ISLR2: variants seen among roughly 807,000 people sequenced by gnomAD.
The protein encoded by ISLR2 is immunoglobulin superfamily containing leucine-rich repeat protein 2.
In ISLR2, 16 loss-of-function variants were observed where a neutral mutation model predicts 25.5. That is an observed-to-expected ratio of 0.63 (90% CI 0.43 to 0.95). The LOEUF is 0.95. ISLR2 is among the 40% of genes least tolerant of loss of function. The probability of loss-of-function intolerance (pLI) is 0.00; values close to 1 mark genes in which losing one functional copy is unlikely to be tolerated. For synonymous variants in ISLR2, 508 were observed against 486.6 expected (o/e 1.04, Z -0.58); for missense variants, 883 against 1,030.7 (o/e 0.86, Z 1.96).
chr15:74,116,914 A>T (rs2072215589), intron 2 of ISLR2, among the ~76,000 whole-genome samples: 2 of 152,170 alleles, frequency 1.3e-5, no homozygotes, highest in African/African-American at 2.4e-5. Context: ...CAGGTCAGGG[A>T]GTAAAGTGAG....
rs758500429 is a variant in ISLR2, at chr15:74,134,951, G to T, written c.2197G>T (p.Ala733Ser). Residue 733 changes from alanine to serine, a missense_variant, in exon 3 of 3, where the codon GCC (alanine) becomes TCC (serine). Transcript: ENST00000453268. Reference sequence around the variant, plus strand: ...CCTGGGCGCCGAGGCGGTCAACATCGCCCAGGAGATTAATGGCAACTACAG... The same window carrying T: ...CCTGGGCGCCGAGGCGGTCAACATCTCCCAGGAGATTAATGGCAACTACAG... The part of the protein sequence containing the change: ...LPLGAEAVNI[A>S]QEINGNYRQT... 6.2e-7 allele frequency: 1 copy of T among 1,613,852 alleles called. No individual in the cohort carries two copies. The highest frequency in any genetic ancestry group is 1.1e-5 in the South Asian group (1 of 91,070).
At chr15:74,130,907 T>G (rs1479696999) in intron 1 of ISLR2, among the ~76,000 whole-genome samples, 1 of 151,412 alleles carries the variant, frequency 6.6e-6, no homozygotes, top group East Asian at 1.9e-4. Flanking sequence ...GTTATGGGGG[T>G]GCAGTAGGCT....
intron 2 of ISLR2, among the ~76,000 whole-genome samples, chr15:74,120,505 G>A (rs889757250): frequency 2.1e-5 from 3 of 142,434 alleles, no homozygotes; most frequent in African/African-American, 7.9e-5. Context: ...CTGGGCAATA[G>A]AGAGAGACTC....
At chr15:74,115,948 AG>A (rs2072207114) in intron 2 of ISLR2, among the ~76,000 whole-genome samples, 1 of 151,766 alleles carries the variant, frequency 6.6e-6, no homozygotes, top group African/African-American at 2.4e-5. Flanking sequence ...CAGTAATCCC[AG>A]CACTTTGGGA....
upstream of ISLR2, chr15:74,128,533 G>A (rs768570024): frequency 2.2e-6 from 1 of 456,612 alleles, no homozygotes; most frequent in South Asian, 1.5e-5. Context: ...CCGAAGTTTC[G>A]GGGTTGCTTA....
intron 2 of ISLR2, among the ~76,000 whole-genome samples, chr15:74,112,130 T>C (rs1261214152): frequency 6.6e-6 from 1 of 152,160 alleles, no homozygotes; most frequent in Non-Finnish European, 1.5e-5. Context: ...ATAAAAATAA[T>C]ATTGATTGTA....
At chr15:74,122,124 T>C (rs2072257817) in intron 2 of ISLR2, among the ~76,000 whole-genome samples, 1 of 152,218 alleles carries the variant, frequency 6.6e-6, no homozygotes, top group South Asian at 2.1e-4. Flanking sequence ...CCACCAGGCT[T>C]GGCACGTCCT....
chr15:74,134,139 G>C lies in ISLR2; in HGVS notation c.1385G>C (p.Gly462Ala), dbSNP rs755437441. The change falls in exon 3 of 3, where the codon GGG (glycine) becomes GCG (alanine). Residue 462 changes from glycine (G) to alanine (A), a missense_variant. Gly to Ala is a moderately conservative substitution (Grantham distance 60, BLOSUM62 0). Around this residue, in one of 2 missense-constraint regions of ISLR2, gnomAD observed 612 missense variants for 642.8 expected, o/e 0.95. Coordinates refer to ENST00000453268, the MANE Select transcript of ISLR2 (RefSeq NM_020851.3). ...DPAEEQRCGN[G>A]DPSRYVSNHA... is the part of the protein sequence containing the mutation. ...GCGGAGGAGCAGCGCTGTGGCAACGGGGACCCCTCTCGGTACGTTTCTAAC... is the reference window on the plus strand; with the variant it reads ...GCGGAGGAGCAGCGCTGTGGCAACGCGGACCCCTCTCGGTACGTTTCTAAC... The C allele has an allele frequency of 6.2e-6, 10 of 1,613,592 alleles. No individual in the cohort carries two copies. In the South Asian group the frequency reaches 8.8e-5, roughly 14 times the overall value.
intron 2 of ISLR2, among the ~76,000 whole-genome samples, chr15:74,122,670 G>A (rs1210426267): frequency 1.3e-5 from 2 of 152,208 alleles, no homozygotes; most frequent in Non-Finnish European, 2.9e-5. Context: ...CTTCTGGGAA[G>A]CCACTTTCAA....
At chr15:74,114,730 A>G (rs532198378) in intron 2 of ISLR2, among the ~76,000 whole-genome samples, 9 of 152,224 alleles carry the variant, frequency 5.9e-5, no homozygotes, top group African/African-American at 9.6e-5. Flanking sequence ...ATGGAACAAC[A>G]TATATAAAAC....
chr15:74,109,336 C>G (rs952936089), intron 2 of ISLR2, among the ~76,000 whole-genome samples: 6 of 151,918 alleles, frequency 3.9e-5, no homozygotes, highest in African/African-American at 1.5e-4. Context: ...GGGCAAGTCT[C>G]TCCCTCCTCA....
In ISLR2 at chr15:74,132,268, G is replaced by T. The variant is rs953789364; in HGVS notation, c.-8-479G>T. On this transcript the variant is annotated intron_variant, in intron 2 of 2. Transcript: ENST00000453268. This position sits in a 1 kb window ranked among gnomAD's most constrained non-coding sequence, Gnocchi z 4.3. Reference sequence around the variant, plus strand: ...TGGCGGTTTGATTATGAAGCCCCGCGTCTGTTTGTATTGTTGTGTGCCTGC... The same window carrying T: ...TGGCGGTTTGATTATGAAGCCCCGCTTCTGTTTGTATTGTTGTGTGCCTGC... 1.3e-5 allele frequency among the ~76,000 whole-genome samples: 2 copies of T among 152,190 alleles called. No homozygotes were observed. Among genetic ancestry groups the T allele is most frequent in the African/African-American group, 4.8e-5 (2 of 41,442 alleles).
downstream of ISLR2, among the ~76,000 whole-genome samples, chr15:74,137,551 T>G (rs1176876669): frequency 6.6e-6 from 1 of 151,950 alleles, no homozygotes; most frequent in East Asian, 1.9e-4. Flanking sequence ...CTTTCTTGGG[T>G]GAGGAACAGG....
upstream of ISLR2, chr15:74,128,111 A>T (rs904847983): frequency 7.6e-6 from 2 of 262,686 alleles, no homozygotes; most frequent in African/African-American, 4.8e-5. Context: ...AACTGTCATT[A>T]TTAACGTTAT....
upstream of ISLR2, chr15:74,129,325 CCTGT>C: frequency 3.5e-6 from 1 of 286,566 alleles, no homozygotes; most frequent in Non-Finnish European, 6.8e-6. The surrounding 1 kb of genome is among the most constrained non-coding windows in gnomAD (Gnocchi z 4.5). Flanking sequence ...GCGCTCTTAG[CCTGT>C]CTCTCTTCCC....
intron 2 of ISLR2, chr15:74,131,903 G>A (rs1235410232): frequency 5.3e-5 from 8 of 152,308 alleles, no homozygotes; most frequent in Admixed American, 5.2e-4. Flanking sequence ...GGCTTCCCCA[G>A]ATCCCACATC....
intron 2 of ISLR2, among the ~76,000 whole-genome samples, chr15:74,119,139 T>A (rs539437045): frequency 2.6e-5 from 4 of 152,310 alleles, no homozygotes; most frequent in African/African-American, 9.6e-5. Flanking sequence ...TTTAAAAATA[T>A]ATAATAAATT....
At chr15:74,137,761 C>T (rs1354182574), downstream of ISLR2, among the ~76,000 whole-genome samples, 1 of 152,036 alleles carries the variant, frequency 6.6e-6, no homozygotes, top group African/African-American at 2.4e-5. Context: ...ATTTCTTGTC[C>T]TCTTTTGCTG....
chr15:74,123,841 C>T (rs1034508630), upstream of ISLR2, among the ~76,000 whole-genome samples: 4 of 152,124 alleles, frequency 2.6e-5, no homozygotes, highest in Non-Finnish European at 4.4e-5. Flanking sequence ...GATTTTTATC[C>T]TTTCAAGAAT....
Sources: gnomAD v4.1 joint callset for allele counts (sites outside exome capture counted in the v4.1 genomes callset) on GRCh38, gnomAD v4.1.1 for gene constraint, gnomAD v4.1.1 regional missense constraint, Gnocchi (gnomAD v3.1) non-coding constraint, MANE v1.5 for transcripts, NCBI Gene and HGNC (gene_info 2026-07-23, HGNC 2026-07-21) for gene names.